Variants in CUBN observed in about 807,000 individuals in gnomAD.
The protein encoded by CUBN is 460 kDa receptor.
CUBN carries 282 observed loss-of-function variants against 405.3 expected under a neutral mutation model. The observed-to-expected ratio is 0.70, with a 90% CI of 0.63 to 0.77. The LOEUF is 0.77. Ranked by LOEUF, CUBN falls within the 30% of genes least tolerant of loss-of-function variation. CUBN has a pLI of 0.00. For synonymous variants in CUBN, 1,684 were observed against 1,617.0 expected (o/e 1.04, Z -0.99); for missense variants, 4,514 against 4,475.2 (o/e 1.01, Z -0.25).
Position 16,962,419 on chromosome 10 carries a change from G to A in CUBN, c.4696-7871C>T, listed in dbSNP as rs1465583746. ...GGGTAGGTAGGAGTGGGAGAGATAAGAAGTGAAAATTTTCCAACTGGAGAT... is the reference window on the plus strand; with the variant it reads ...GGGTAGGTAGGAGTGGGAGAGATAAAAAGTGAAAATTTTCCAACTGGAGAT... On this transcript the variant is annotated intron_variant, in intron 31 of 66. Coordinates refer to ENST00000377833, the MANE Select transcript of CUBN (RefSeq NM_001081.4). Among the ~76,000 whole-genome samples, 3 of 151,216 alleles carry A rather than the reference G, an allele frequency of 2.0e-5. No individual in the cohort carries two copies. The South Asian group carries it at 6.4e-4, about 32-fold the overall frequency.
intron 27 of CUBN, among the ~76,000 whole-genome samples, chr10:17,020,309 A>AG (rs1454578128): frequency 6.6e-6 from 1 of 152,136 alleles, no homozygotes; most frequent in Non-Finnish European, 1.5e-5. Context: ...AACAACACAT[A>AG]GGGGGGCTCA....
intron 36 of CUBN, among the ~76,000 whole-genome samples, chr10:16,941,229 A>T (rs932483628): frequency 3.9e-5 from 6 of 152,156 alleles, no homozygotes; most frequent in African/African-American, 1.2e-4. Flanking sequence ...ATCCAATTCA[A>T]TCCATGGTGC....
intron 29 of CUBN, among the ~76,000 whole-genome samples, chr10:16,987,906 A>G (rs778175254): frequency 2.6e-5 from 4 of 152,186 alleles, no homozygotes; most frequent in Non-Finnish European, 4.4e-5. Context: ...GCCTCAGAAC[A>G]GTCCCCCAAA....
intron 14 of CUBN, among the ~76,000 whole-genome samples, chr10:17,095,855 A>G (rs961062028): frequency 6.6e-6 from 1 of 152,128 alleles, no homozygotes; most frequent in African/African-American, 2.4e-5. Context: ...ATATGGAATC[A>G]ATCTAAGTGC....
chr10:16,888,512 G>C lies in CUBN; in HGVS notation c.8810C>G (p.Pro2937Arg). ...PSGYIISPNY[P>R]KQYDNNMNCT... ...ATTCATGTTGTTGTCATATTGTTTT[G>C]GGTAATTTGGAGAAATGATGTAACC... The change falls in exon 56 of 67, where the codon CCA (proline) becomes CGA (arginine). Residue 2937 changes from proline (P) to arginine (R), a missense_variant. Coordinates refer to ENST00000377833, the MANE Select transcript of CUBN (RefSeq NM_001081.4). The C allele has an allele frequency of 6.2e-7, 1 of 1,613,430 alleles. No individual in the cohort carries two copies. Among genetic ancestry groups the C allele is most frequent in the Non-Finnish European group, 8.5e-7 (1 of 1,179,494 alleles).
chr10:17,084,784 G>A (rs1836067250), intron 16 of CUBN, among the ~76,000 whole-genome samples: 2 of 152,150 alleles, frequency 1.3e-5, no homozygotes, highest in East Asian at 1.9e-4. Flanking sequence ...TTAAAAACAT[G>A]TAACAAAATA....
chr10:16,940,360 C>T (rs1430678507), intron 36 of CUBN, 123 bp from the exon 37 acceptor site: 1 of 928,866 alleles, frequency 1.1e-6, no homozygotes, highest in African/African-American at 1.6e-5. Context: ...TTGATCACAA[C>T]ATTATTTGGC....
intron 12 of CUBN, among the ~76,000 whole-genome samples, chr10:17,103,907 A>C (rs1836558536): frequency 6.6e-6 from 1 of 152,228 alleles, no homozygotes; most frequent in Admixed American, 6.5e-5. Flanking sequence ...CCGGTGACGA[A>C]AGAAAACTTG....
intron 15 of CUBN, among the ~76,000 whole-genome samples, chr10:17,086,313 C>T (rs1441700776): frequency 6.6e-6 from 1 of 152,080 alleles, no homozygotes; most frequent in Admixed American, 6.5e-5. Flanking sequence ...GAATTTTTGT[C>T]ATGATGTTAC....
chr10:16,894,158 C>T (rs1020642257), intron 54 of CUBN, among the ~76,000 whole-genome samples: 9 of 152,122 alleles, frequency 5.9e-5, no homozygotes, highest in African/African-American at 2.2e-4. Flanking sequence ...AATGAACAGA[C>T]TGGCTACAGA....
At chr10:16,986,248 C>A (rs1043781382) in intron 29 of CUBN, among the ~76,000 whole-genome samples, 1 of 152,156 alleles carries the variant, frequency 6.6e-6, no homozygotes, top group African/African-American at 2.4e-5. Context: ...GGGATCTGGG[C>A]ACAGCGCCCT....
chr10:17,045,841 C>T, intron 24 of CUBN, 93 bp downstream of exon 24: 2 of 1,302,116 alleles, frequency 1.5e-6, no homozygotes, highest in Non-Finnish European at 2.2e-6. Flanking sequence ...GCTGGGCAAA[C>T]ATGGACAAGT....
At chr10:16,901,873 A>G (rs1841381187) in intron 51 of CUBN, among the ~76,000 whole-genome samples, 1 of 122,784 alleles carries the variant, frequency 8.1e-6, no homozygotes, top group South Asian at 2.5e-4. Flanking sequence ...CATATTATAT[A>G]TATACACCAT....
At chr10:16,885,675 G>C (rs1840790542) in intron 56 of CUBN, among the ~76,000 whole-genome samples, 1 of 152,070 alleles carries the variant, frequency 6.6e-6, no homozygotes, top group Non-Finnish European at 1.5e-5. Context: ...AGCTGTCTCA[G>C]GTCATGATAG....
chr10:17,050,293 T>C (rs1423211575), intron 22 of CUBN, among the ~76,000 whole-genome samples: 1 of 152,200 alleles, frequency 6.6e-6, no homozygotes, highest in East Asian at 1.9e-4. Flanking sequence ...CAATCTGCAG[T>C]ACAAGATTGT....
intron 22 of CUBN, among the ~76,000 whole-genome samples, chr10:17,049,291 G>A (rs1835208406): frequency 1.3e-5 from 2 of 152,222 alleles, no homozygotes; most frequent in African/African-American, 4.8e-5. Context: ...TGAGTTGACA[G>A]AACAGACAGA....
intron 36 of CUBN, among the ~76,000 whole-genome samples, chr10:16,946,490 C>CTT (rs775415655): frequency 5.7e-4 from 69 of 121,030 alleles, no homozygotes; most frequent in African/African-American, 7.8e-4. Context: ...AAAACCATTC[C>CTT]TTTTTTTTTT....
At position 16,915,851 on chromosome 10, in the gene CUBN, A is replaced by T; in HGVS notation, c.7180T>A (p.Phe2394Ile). 6.2e-7 allele frequency: 1 copy of T among 1,613,868 alleles called. No individual in the cohort carries two copies. The highest frequency in any genetic ancestry group is 8.5e-7 in the Non-Finnish European group (1 of 1,179,996). ...LQNSSGCEKDFVEIWDNHTSG... is the reference protein window; with the variant it reads ...LQNSSGCEKDIVEIWDNHTSG... The stretch of plus-strand genomic sequence containing the variant: ...GTATGATTGTCCCAGATCTCCACGA[A>T]GTCTTTTTCACAGCCAGAAGAATTC... Residue 2394 changes from phenylalanine to isoleucine, a missense_variant, in exon 46 of 67, where the codon TTC becomes ATC. Around this residue, in one of 5 missense-constraint regions of CUBN, gnomAD observed 1,613 missense variants for 1,542.8 expected, o/e 1.05. Coordinates refer to ENST00000377833, the MANE Select transcript of CUBN (RefSeq NM_001081.4).
At chr10:16,862,740 T>C (rs905084629) in intron 59 of CUBN, among the ~76,000 whole-genome samples, 18 of 152,206 alleles carry the variant, frequency 1.2e-4, no homozygotes, top group Admixed American at 1.0e-3. Context: ...TTGATTATTA[T>C]AGGGAATTTA....
Sources: allele counts gnomAD v4.1 joint callset (sites outside exome capture counted in the v4.1 genomes callset), GRCh38; gene constraint gnomAD v4.1.1; regional missense constraint gnomAD v4.1.1; transcripts MANE v1.5; gene names NCBI Gene and HGNC (gene_info 2026-07-23, HGNC 2026-07-21).